Variants in ZNF71 observed in about 807,000 individuals in gnomAD.
ZNF71 encodes zinc finger protein 71.
Under a neutral mutation model 6.7 loss-of-function variants are expected in ZNF71, and 3 were observed. The ratio of observed to expected loss-of-function variants is 0.45; its 90% confidence interval spans 0.20 to 1.16. The LOEUF (loss-of-function observed/expected upper bound fraction) is 1.16. Among genes scored for constraint, ZNF71 ranks in the 50% most tolerant of loss-of-function variants. The pLI is 0.25. For synonymous variants in ZNF71, 343 were observed against 311.1 expected (o/e 1.10, Z -1.08); for missense variants, 688 against 728.6 (o/e 0.94, Z 0.64).
rs546603924 is a variant in ZNF71, at chr19:56,622,604, G to C, written c.1497G>C (p.Arg499Ser). ...QRIHTGEKPY[R>S]CGQCGKSFIK... is the part of the protein sequence containing the mutation. ...TCCACACCGGCGAGAAGCCGTACAG[G>C]TGCGGCCAGTGCGGGAAGTCCTTCA... is the stretch of plus-strand genomic sequence containing the variant. Residue 499 changes from arginine (R) to serine (S), a missense_variant, in exon 4 of 4, where the codon AGG becomes AGC. By Grantham distance (110) the Arg-to-Ser change is moderately radical. Coordinates refer to ENST00000599599, the MANE Select transcript of ZNF71 (RefSeq NM_001370215.1). 1.1e-5 allele frequency: 17 copies of C among 1,613,552 alleles called. No homozygotes were observed. The South Asian group carries it at 1.8e-4, about 17-fold the overall frequency.
intron 2 of ZNF71, among the ~76,000 whole-genome samples, chr19:56,609,748 G>A (rs1001541884): frequency 1.3e-5 from 2 of 149,814 alleles, no homozygotes; most frequent in Admixed American, 6.6e-5. Flanking sequence ...TGCCTGTCCC[G>A]GACGTTGCAT....
chr19:56,610,924 C>T (rs1442555425), intron 2 of ZNF71, among the ~76,000 whole-genome samples: 1 of 152,006 alleles, frequency 6.6e-6, no homozygotes, highest in African/African-American at 2.4e-5. Context: ...ATAGAGACCA[C>T]ATTTTCTTCT....
intron 2 of ZNF71, among the ~76,000 whole-genome samples, chr19:56,606,738 G>A (rs1600587731): frequency 6.6e-6 from 1 of 152,082 alleles, no homozygotes; most frequent in Non-Finnish European, 1.5e-5. Context: ...TGGCATGTGA[G>A]TAATGAGACA....
intron 2 of ZNF71, among the ~76,000 whole-genome samples, chr19:56,602,109 T>C (rs2148005613): frequency 6.6e-6 from 1 of 152,324 alleles, no homozygotes; most frequent in East Asian, 1.9e-4. Flanking sequence ...ATCCTGAGCA[T>C]TTCTCCACAT....
chr19:56,620,366 C>T (rs1442772016), intron 3 of ZNF71, among the ~76,000 whole-genome samples: 1 of 152,146 alleles, frequency 6.6e-6, no homozygotes, highest in Non-Finnish European at 1.5e-5. Context: ...TGGCCAAACA[C>T]ACAGGAAGCC....
intron 2 of ZNF71, among the ~76,000 whole-genome samples, chr19:56,604,055 C>G (rs897944363): frequency 7.1e-6 from 1 of 141,462 alleles, no homozygotes; most frequent in Non-Finnish European, 1.5e-5. Flanking sequence ...CCAGTCTGGG[C>G]TTGGTGCCTG....
chr19:56,622,231 T>C lies in ZNF71; in HGVS notation c.1124T>C (p.Leu375Pro), dbSNP rs1476175528. 1 of 1,603,520 alleles carries C rather than the reference T, an allele frequency of 6.2e-7. No homozygotes were observed. The highest frequency in any genetic ancestry group is 1.1e-5 in the South Asian group (1 of 90,840). The stretch of plus-strand genomic sequence containing the variant: ...TTCAACAAGAGCTCCTCGCTCACCC[T>C]GCACCAGAGGAACCACACCGGCGAG... ...KAFNKSSSLT[L>P]HQRNHTGEKP... is the part of the protein sequence containing the mutation. The change falls in exon 4 of 4, where the codon CTG becomes CCG. Residue 375 changes from leucine (L) to proline (P), a missense_variant. Coordinates refer to ENST00000599599, the MANE Select transcript of ZNF71 (RefSeq NM_001370215.1).
At chr19:56,615,162 C>G (rs542463169) in intron 3 of ZNF71, among the ~76,000 whole-genome samples, 1 of 152,286 alleles carries the variant, frequency 6.6e-6, no homozygotes, top group African/African-American at 2.4e-5. Flanking sequence ...TGGGTCATTT[C>G]CAGTTCTGGG....
intron 2 of ZNF71, among the ~76,000 whole-genome samples, chr19:56,612,360 C>T (rs914502418): frequency 6.6e-6 from 1 of 152,094 alleles, no homozygotes; most frequent in African/African-American, 2.4e-5. Flanking sequence ...AAATGTGATA[C>T]ACACACATAT....
chr19:56,612,420 C>A (rs1373701498), intron 2 of ZNF71, among the ~76,000 whole-genome samples: 1 of 152,092 alleles, frequency 6.6e-6, no homozygotes, highest in Non-Finnish European at 1.5e-5. Context: ...CATACACACA[C>A]ATACCATGGA....
In ZNF71 at chr19:56,598,235, G is replaced by A. The variant is rs77893499; in HGVS notation, c.-53+2807G>A. ...AAGGAGGTGACGTTGGAGCTGACCA[G>A]GAAGCAGGGGTAGTCATGGGAAGAG... On this transcript the variant is annotated intron_variant, in intron 1 of 3. Coordinates refer to ENST00000599599, the MANE Select transcript of ZNF71 (RefSeq NM_001370215.1). The surrounding 1 kb of genome is among the most constrained non-coding windows in gnomAD (Gnocchi z 4.2). 0.13 allele frequency among the ~76,000 whole-genome samples: 20,482 copies of A among 152,076 alleles called. 1,788 individuals are homozygous for A. The highest frequency in any genetic ancestry group is 0.32 in the East Asian group (1,650 of 5,106).
intron 1 of ZNF71, among the ~76,000 whole-genome samples, chr19:56,595,853 T>TGTGTG (rs142255107): frequency 1.2e-4 from 16 of 137,600 alleles, no homozygotes; most frequent in South Asian, 2.5e-4. Context: ...GTGTGTGTGT[T>TGTGTG]TGTGTGTGTG....
At chr19:56,606,361 C>G (rs1321746443) in intron 2 of ZNF71, among the ~76,000 whole-genome samples, 2 of 152,156 alleles carry the variant, frequency 1.3e-5, no homozygotes, top group African/African-American at 4.8e-5. Flanking sequence ...TACCATTGAT[C>G]TAGAATTCCT....
chr19:56,621,508 C>T lies in ZNF71; in HGVS notation c.401C>T (p.Ala134Val), dbSNP rs753499259. The T allele has an allele frequency of 2.5e-6, 4 of 1,614,200 alleles. No homozygotes were observed. In the East Asian group the frequency reaches 8.9e-5, roughly 36 times the overall value. Residue 134 changes from alanine to valine, a missense_variant, in exon 4 of 4, where the codon GCA (alanine) becomes GTA (valine). Physicochemically the swap from Ala to Val is moderately conservative, Grantham distance 64. Coordinates refer to ENST00000599599, the MANE Select transcript of ZNF71 (RefSeq NM_001370215.1). The stretch of plus-strand genomic sequence containing the variant: ...AAACTCTTAGGGGGCTCAGTACCCG[C>T]ATGTCATGAACTGAAGGCATTTGCC... ...GNKLLGGSVPACHELKAFANQ... is the reference protein window; with the variant it reads ...GNKLLGGSVPVCHELKAFANQ...
chr19:56,619,515 C>T (rs915370161), intron 3 of ZNF71, among the ~76,000 whole-genome samples: 9 of 152,282 alleles, frequency 5.9e-5, no homozygotes, highest in South Asian at 2.1e-4. Flanking sequence ...AGTTTCGTAT[C>T]GGATGTGTTA....
chr19:56,599,687 T>C (rs2044652069), intron 1 of ZNF71, among the ~76,000 whole-genome samples: 1 of 150,150 alleles, frequency 6.7e-6, no homozygotes, highest in South Asian at 2.1e-4. Context: ...ATTACATTTT[T>C]AGTGTTTTGT....
At chr19:56,601,993 C>T (rs1381927729) in intron 2 of ZNF71, among the ~76,000 whole-genome samples, 2 of 152,154 alleles carry the variant, frequency 1.3e-5, no homozygotes, top group African/African-American at 2.4e-5. Flanking sequence ...GGGAATGAGG[C>T]CCACAAATTC....
chr19:56,617,648 C>T (rs894310813), intron 3 of ZNF71, among the ~76,000 whole-genome samples: 7 of 152,200 alleles, frequency 4.6e-5, no homozygotes, highest in African/African-American at 1.7e-4. Context: ...CGTCAGACTT[C>T]CTGCTCTTTT....
intron 2 of ZNF71, among the ~76,000 whole-genome samples, chr19:56,606,014 A>G (rs918436489): frequency 6.6e-6 from 1 of 152,176 alleles, no homozygotes; most frequent in Admixed American, 6.5e-5. Context: ...CCCCCTTTGT[A>G]AAAGAAATGA....
Sources: gnomAD v4.1 joint callset for allele counts (sites outside exome capture counted in the v4.1 genomes callset) on GRCh38, gnomAD v4.1.1 for gene constraint, Gnocchi (gnomAD v3.1) non-coding constraint, MANE v1.5 for transcripts, NCBI Gene and HGNC (gene_info 2026-07-23, HGNC 2026-07-21) for gene names.